FRMD5: variants seen among roughly 807,000 people sequenced by gnomAD.
FRMD5 encodes FERM domain containing 5.
Under a neutral mutation model 69.0 loss-of-function variants are expected in FRMD5, and 20 were observed. That is an observed-to-expected ratio of 0.29 (90% CI 0.20 to 0.42). The LOEUF is 0.42. FRMD5 is among the 10% of genes least tolerant of loss of function. The pLI is 1.00. For synonymous variants in FRMD5, 271 were observed against 260.1 expected, an observed-to-expected ratio of 1.04 and a Z score of -0.40; for missense variants, 595 against 708.6, an observed-to-expected ratio of 0.84 and a Z score of 1.82.
chr15:44,105,882 A>G (rs1268664834), intron 1 of FRMD5, among the ~76,000 whole-genome samples: 2 of 152,186 alleles, frequency 1.3e-5, no homozygotes, highest in African/African-American at 4.8e-5. Flanking sequence ...GACTGGTTCC[A>G]GGAACCCCCA....
intron 1 of FRMD5, among the ~76,000 whole-genome samples, chr15:44,185,582 A>G (rs1455210411): frequency 6.6e-6 from 1 of 152,056 alleles, no homozygotes; most frequent in Non-Finnish European, 1.5e-5. Context: ...GCTTAAGGTC[A>G]GGAGTTTAGA....
intron 1 of FRMD5, among the ~76,000 whole-genome samples, chr15:43,958,994 T>C (rs2090156623): frequency 6.6e-6 from 1 of 152,350 alleles, no homozygotes; most frequent in African/African-American, 2.4e-5. Flanking sequence ...AACTCTCTTA[T>C]GCATCCTCTG....
At chr15:44,036,810 T>C (rs1891934944) in intron 1 of FRMD5, among the ~76,000 whole-genome samples, 1 of 152,218 alleles carries the variant, frequency 6.6e-6, no homozygotes, top group East Asian at 1.9e-4. Context: ...AAAGAAGCAG[T>C]GCTGGTGAGC....
intron 1 of FRMD5, among the ~76,000 whole-genome samples, chr15:44,108,697 C>T (rs2076754634): frequency 6.6e-6 from 1 of 151,738 alleles, no homozygotes; most frequent in South Asian, 2.1e-4. Flanking sequence ...CACAGTGGCT[C>T]ACGCCTGTAA....
intron 13 of FRMD5, among the ~76,000 whole-genome samples, 160 bp from the exon 14 acceptor site, chr15:43,874,622 G>A (rs1002016452): frequency 3.3e-5 from 5 of 152,198 alleles, no homozygotes; most frequent in Admixed American, 6.5e-5. Flanking sequence ...ACGACAGGCC[G>A]GGTATGGTGG....
intron 1 of FRMD5, among the ~76,000 whole-genome samples, chr15:44,064,537 C>T (rs1040527035): frequency 3.3e-5 from 5 of 152,170 alleles, no homozygotes; most frequent in East Asian, 1.9e-4. Flanking sequence ...TGTGATGAGC[C>T]GAGATCTCGT....
intron 1 of FRMD5, among the ~76,000 whole-genome samples, chr15:44,141,359 C>T (rs1217940025): frequency 6.6e-6 from 1 of 151,930 alleles, no homozygotes; most frequent in Non-Finnish European, 1.5e-5. Context: ...GATACTAGCC[C>T]AGGGGTAGAC....
intron 1 of FRMD5, among the ~76,000 whole-genome samples, chr15:43,943,925 G>T (rs1217029810): frequency 6.6e-6 from 1 of 152,192 alleles, no homozygotes; most frequent in Non-Finnish European, 1.5e-5. Flanking sequence ...CACTGTCCAT[G>T]AAGTCTTTCC....
intron 1 of FRMD5, among the ~76,000 whole-genome samples, chr15:43,944,300 A>C (rs2089908513): frequency 6.6e-6 from 1 of 152,232 alleles, no homozygotes; most frequent in African/African-American, 2.4e-5. Flanking sequence ...TCCTCTTCTA[A>C]GAAAGCCACC....
intron 4 of FRMD5, among the ~76,000 whole-genome samples, chr15:43,915,878 T>A (rs1453079448): frequency 6.6e-6 from 1 of 152,066 alleles, no homozygotes; most frequent in Non-Finnish European, 1.5e-5. Context: ...CAAGGTGGGA[T>A]GGAGGGCTCT....
intron 1 of FRMD5, among the ~76,000 whole-genome samples, chr15:44,171,061 T>A (rs961567487): frequency 6.6e-6 from 1 of 152,124 alleles, no homozygotes; most frequent in Non-Finnish European, 1.5e-5. Context: ...AAAATATCCA[T>A]AGCTTGGTGA....
intron 1 of FRMD5, among the ~76,000 whole-genome samples, chr15:44,032,863 T>C (rs1390332577): frequency 2.0e-5 from 3 of 152,172 alleles, no homozygotes; most frequent in Non-Finnish European, 4.4e-5. Flanking sequence ...ACTGGGTATA[T>C]ACCCAGAGGA....
rs549186181 is a variant in FRMD5 at position 44,041,710 on chromosome 15, T to C, written c.103-117401A>G. Among the ~76,000 whole-genome samples the C allele has an allele frequency of 3.3e-5, 5 of 152,154 alleles. No individual in the cohort carries two copies. In the East Asian group the frequency reaches 9.7e-4, roughly 29 times the overall value. ...GTACATAATGAAATGAAGGCAGAAA[T>C]AAAGATGTTCTTTGAAACGAATGAG... On this transcript the variant is annotated intron_variant, in intron 1 of 13. Transcript: ENST00000417257.
chr15:44,161,150 C>T (rs1451778273), intron 1 of FRMD5, among the ~76,000 whole-genome samples: 3 of 152,162 alleles, frequency 2.0e-5, no homozygotes, highest in Non-Finnish European at 4.4e-5. Context: ...TAAATGTAGA[C>T]AGAGATGCCT....
At chr15:44,050,886 G>A (rs575231160) in intron 1 of FRMD5, among the ~76,000 whole-genome samples, 9 of 151,836 alleles carry the variant, frequency 5.9e-5, no homozygotes, top group Non-Finnish European at 1.0e-4. Flanking sequence ...TCAAACTCCT[G>A]ACCTCAAGCG....
intron 1 of FRMD5, among the ~76,000 whole-genome samples, chr15:44,010,787 T>C (rs1387430898): frequency 6.6e-6 from 1 of 151,910 alleles, no homozygotes; most frequent in Non-Finnish European, 1.5e-5. Flanking sequence ...CAAACATGAA[T>C]ACAACAGGGA....
intron 1 of FRMD5, among the ~76,000 whole-genome samples, chr15:44,164,546 T>C (rs2077677194): frequency 6.6e-6 from 1 of 152,180 alleles, no homozygotes. Flanking sequence ...AGACAGTAAA[T>C]TTTAAAACTT....
intron 1 of FRMD5, among the ~76,000 whole-genome samples, chr15:44,122,299 C>T (rs1846476560): frequency 6.7e-6 from 1 of 149,982 alleles, no homozygotes; most frequent in Non-Finnish European, 1.5e-5. Context: ...CATGGTGGCT[C>T]ACATCTGTAA....
At chr15:43,898,393 A>T (rs568482377) in intron 7 of FRMD5, among the ~76,000 whole-genome samples, 3 of 152,322 alleles carry the variant, frequency 2.0e-5, no homozygotes, top group African/African-American at 7.2e-5. Context: ...CTTATCTTAA[A>T]ATAAGGACAA....
Sources: gnomAD v4.1 joint callset for allele counts (sites outside exome capture counted in the v4.1 genomes callset) on GRCh38, gnomAD v4.1.1 for gene constraint, MANE v1.5 for transcripts, NCBI Gene and HGNC (gene_info 2026-07-23, HGNC 2026-07-21) for gene names.